Variants in KRT13 observed in about 807,000 individuals in gnomAD.
KRT13 encodes keratin, type I cytoskeletal 13.
KRT13 carries 27 observed loss-of-function variants against 40.6 expected under a neutral mutation model. That is an observed-to-expected ratio of 0.67 (90% CI 0.49 to 0.92). The LOEUF is 0.92. KRT13 is among the 40% of genes least tolerant of loss of function. The pLI is 0.00. For missense variants in KRT13, 605 were observed against 611.5 expected, an observed-to-expected ratio of 0.99 and a Z score of 0.11; for synonymous variants, 266 against 240.3, an observed-to-expected ratio of 1.11 and a Z score of -0.99.
At chr17:41,502,881 C>G (rs998799830) in intron 4 of KRT13, 56 bp downstream of exon 4, 1 of 1,614,006 alleles carries the variant, frequency 6.2e-7, no homozygotes, top group Non-Finnish European at 8.5e-7. Context: ...AGGCTGTGTC[C>G]GCCCGGCCCC....
chr17:41,501,419 G>T, intron 7 of KRT13, 57 bp from the exon 8 acceptor site: 1 of 1,401,342 alleles, frequency 7.1e-7, no homozygotes, highest in Non-Finnish European at 9.9e-7. Context: ...TCAGGACAGG[G>T]CAGGGCCCCC....
Position 41,505,084 on chromosome 17 carries a change from T to C in KRT13, c.467A>G (p.Tyr156Cys), listed in dbSNP as rs748841601. ...GTCCCGGAGCTCTTCAATGGTCTTG[T>C]AGTAGGGGCTGTAGTCCCGCTCAGG... ...ASPERDYSPY[Y>C]KTIEELRDKI... is the part of the protein sequence containing the mutation. Residue 156 changes from tyrosine (Y) to cysteine (C), a missense_variant, in exon 1 of 8, where the codon TAC (tyrosine) becomes TGC (cysteine). Tyr to Cys is a radical substitution (Grantham distance 194, BLOSUM62 -2). Coordinates refer to ENST00000246635, the MANE Select transcript of KRT13 (RefSeq NM_153490.3). The C allele has an allele frequency of 6.2e-7, 1 of 1,614,180 alleles. No homozygotes were observed.
chr17:41,503,419 G>A lies in KRT13; in HGVS notation c.603C>T (p.Arg201=). 6.2e-7 allele frequency: 1 copy of A among 1,614,224 alleles called. No individual in the cohort carries two copies. ...CGTTGATGTCGGCCTCCACGCTCTG[G>A]CGCAGGGCCAGCTCATTCTCATACC... ...RLKYENELAL[R]QSVEADINGL... Residue 201 remains arginine, a synonymous_variant, in exon 3 of 8, where the codon CGC becomes CGT. Transcript: ENST00000246635.
intron 7 of KRT13, 118 bp downstream of exon 7, chr17:41,501,601 C>T: frequency 6.6e-7 from 1 of 1,509,890 alleles, no homozygotes; most frequent in Admixed American, 2.0e-5. Flanking sequence ...CTCTCCCCCT[C>T]CCTACACTGG....
At chr17:41,503,923 G>A (rs1349582437) in intron 1 of KRT13, 198 bp from the exon 2 acceptor site, 1 of 600,626 alleles carries the variant, frequency 1.7e-6, no homozygotes, top group African/African-American at 1.9e-5. Context: ...TTACAAATTT[G>A]TGTTAGGCCT....
In KRT13 at chr17:41,502,511, G is replaced by C. The variant is rs1327842221; in HGVS notation, c.1107C>G (p.Ser369Arg). ...GGAGCTCGCTCAGCTGGGCCTCGATGCTGCTGATGAGTCCCTGGATCTGCT... is the reference window on the plus strand; with the variant it reads ...GGAGCTCGCTCAGCTGGGCCTCGATCCTGCTGATGAGTCCCTGGATCTGCT... ...QLQQIQGLIS[S>R]IEAQLSELRS... The change falls in exon 6 of 8, where the codon AGC (serine) becomes AGG (arginine). Residue 369 changes from serine (S) to arginine (R), a missense_variant. By Grantham distance (110) the Ser-to-Arg change is moderately radical. Transcript: ENST00000246635. The C allele has an allele frequency of 2.5e-6, 4 of 1,613,944 alleles. No homozygotes were observed. Among genetic ancestry groups the C allele is most frequent in the Non-Finnish European group, 3.4e-6 (4 of 1,180,046 alleles).
Position 41,505,170 on chromosome 17 carries a change from C to T in KRT13, c.381G>A (p.Glu127=). The T allele has an allele frequency of 1.9e-6, 3 of 1,614,240 alleles. No homozygotes were observed. The highest frequency in any genetic ancestry group is 2.5e-6 in the Non-Finnish European group (3 of 1,180,044). ...SYLEKVRALE[E]ANADLEVKIR... is the part of the protein sequence containing the mutation. The stretch of plus-strand genomic sequence containing the variant: ...TCTTCACCTCCAGGTCAGCGTTGGC[C>T]TCCTCCAGGGCGCGCACCTTCTCCA... Residue 127 remains glutamate, a synonymous_variant, in exon 1 of 8, where the codon GAG becomes GAA. Transcript: ENST00000246635.
Position 41,505,287 on chromosome 17 carries a change from G to A in KRT13, c.264C>T (p.Gly88=). ...CATCACAAGCACCAAAGTCAACAAAGCCACCAGCAAAACCCCCACCAAAGC... is the reference window on the plus strand; with the variant it reads ...CATCACAAGCACCAAAGTCAACAAAACCACCAGCAAAACCCCCACCAAAGC... The part of the protein sequence containing the change: ...GGGFGGGFAG[G]FVDFGACDGG... Residue 88 remains glycine, a synonymous_variant, in exon 1 of 8, where the codon GGC becomes GGT. Coordinates refer to ENST00000246635, the MANE Select transcript of KRT13 (RefSeq NM_153490.3). The A allele has an allele frequency of 6.2e-7, 1 of 1,614,058 alleles. No homozygotes were observed. The highest frequency in any genetic ancestry group is 1.3e-5 in the African/African-American group (1 of 74,996).
rs909847189 is a variant in KRT13 at position 41,503,812 on chromosome 17, T to G, written c.496-87A>C. 192 of 978,530 alleles carry G rather than the reference T, an allele frequency of 2.0e-4. 2 individuals carry two copies. In the Admixed American group the frequency reaches 3.1e-3, roughly 16 times the overall value. 60.6% of individuals were successfully genotyped at this position (978,530 alleles called of 1,614,324 possible). A position where few individuals can be genotyped will look rare whatever the true frequency, so the allele number is the denominator to read the frequency against. On this transcript the variant is annotated intron_variant, in intron 1 of 7. Coordinates refer to ENST00000246635, the MANE Select transcript of KRT13 (RefSeq NM_153490.3). ...GGCCACATTGGAAGAAGAATTGTCT[T>G]GGGCAACACATCAAATACGCTAACA...
Position 41,505,486 on chromosome 17 carries a change from T to C in KRT13, c.65A>G (p.Gln22Arg), listed in dbSNP as rs747217763. The C allele has an allele frequency of 1.2e-6, 2 of 1,614,200 alleles. No homozygotes were observed. The highest frequency in any genetic ancestry group is 1.7e-6 in the Non-Finnish European group (2 of 1,180,030). The change falls in exon 1 of 8, where the codon CAG becomes CGG. Residue 22 changes from glutamine (Q) to arginine (R), a missense_variant. Gln to Arg is a conservative substitution (Grantham distance 43). Transcript: ENST00000246635. ...AGAGACACCACGGCCTCCTCCCAGC[T>C]GGCAAGAGCCACCCCCGAAACCACC... ...YGGGFGGGSCQLGGGRGVSTC... is the reference protein window; with the variant it reads ...YGGGFGGGSCRLGGGRGVSTC...
intron 1 of KRT13, chr17:41,504,585 C>T: frequency 5.4e-6 from 1 of 186,258 alleles, no homozygotes; most frequent in Admixed American, 5.3e-5. Context: ...CTGCCTAAGC[C>T]TCTGCCTCTC....
At chr17:41,504,124 T>C (rs1904978512) in intron 1 of KRT13, 1 of 279,782 alleles carries the variant, frequency 3.6e-6, no homozygotes, top group Non-Finnish European at 6.9e-6. Context: ...ATTGCTCTTC[T>C]GTAAAGTGAG....
intron 7 of KRT13, 162 bp from the exon 8 acceptor site, chr17:41,501,524 G>A: frequency 8.9e-7 from 1 of 1,127,584 alleles, no homozygotes; most frequent in Non-Finnish European, 1.3e-6. Context: ...CAGCCAAATA[G>A]CTCTGTGGGG....
chr17:41,502,920 G>C lies in KRT13; in HGVS notation c.897+17C>G. On this transcript the variant is annotated intron_variant, in intron 4 of 7. Transcript: ENST00000246635. ...GGCTATATGGGATGGGCTATGTGGG[G>C]TGGGAGGGCCGGGTACCTTGGTGTG... is the stretch of plus-strand genomic sequence containing the variant. 1.2e-6 allele frequency: 2 copies of C among 1,614,126 alleles called. No individual in the cohort carries two copies. The highest frequency in any genetic ancestry group is 1.7e-6 in the Non-Finnish European group (2 of 1,180,000).
Position 41,502,284 on chromosome 17 carries a change from A to G in KRT13, c.1244+90T>C. ...GACAGTGAGGGGTCTCCTCTCTGAC[A>G]TGAGGGGGTGGATCTCTAAGGCCCT... On this transcript the variant is annotated intron_variant, in intron 6 of 7. Transcript: ENST00000246635. 3.1e-6 allele frequency: 5 copies of G among 1,611,432 alleles called. No homozygotes were observed. In the South Asian group the frequency reaches 3.3e-5, roughly 11 times the overall value.
intron 1 of KRT13, chr17:41,504,006 G>T: frequency 2.3e-6 from 1 of 434,902 alleles, no homozygotes. Context: ...GGGGGTCCAC[G>T]TGCTTGAGGA....
At chr17:41,503,622 A>AG (rs760566540) in intron 2 of KRT13, 21 bp downstream of exon 2, 20 of 1,602,410 alleles carry the variant, frequency 1.2e-5, no homozygotes, top group South Asian at 2.2e-5. Context: ...AAGGAGAGGG[A>AG]GGGGGAAAAA....
At chr17:41,502,181 T>A in intron 6 of KRT13, 193 bp downstream of exon 6, 1 of 1,487,418 alleles carries the variant, frequency 6.7e-7, no homozygotes, top group Non-Finnish European at 8.9e-7. Flanking sequence ...TTCCCTCCAG[T>A]CTAACTTGGA....
chr17:41,503,443 C>A lies in KRT13; in HGVS notation c.579G>T (p.Lys193Asn), dbSNP rs768940664. The change falls in exon 3 of 8, where the codon AAG becomes AAT. Residue 193 changes from lysine (K) to asparagine (N), a missense_variant and splice_region_variant. Lys to Asn is a moderately conservative substitution (Grantham distance 94). Coordinates refer to ENST00000246635, the MANE Select transcript of KRT13 (RefSeq NM_153490.3). ...GGCGCAGGGCCAGCTCATTCTCATA[C>A]CTAAAATAGTAAAAAAATGAAATGT... is the stretch of plus-strand genomic sequence containing the variant. ...ARLAADDFRLKYENELALRQS... is the reference protein window; with the variant it reads ...ARLAADDFRLNYENELALRQS... The A allele has an allele frequency of 6.2e-7, 1 of 1,614,132 alleles. No homozygotes were observed. Among genetic ancestry groups the A allele is most frequent in the Non-Finnish European group, 8.5e-7 (1 of 1,180,016 alleles).
Sources: gnomAD v4.1 joint callset for allele counts on GRCh38, gnomAD v4.1.1 for gene constraint, MANE v1.5 for transcripts, NCBI Gene and HGNC (gene_info 2026-07-23, HGNC 2026-07-21) for gene names.